The following CTNND2 variants were observed in gnomAD, a reference collection of about 807,000 sequenced individuals.
CTNND2 encodes the protein catenin delta-2.
A neutral mutation model predicts 144.4 loss-of-function variants in CTNND2; 22 were observed. The observed-to-expected ratio is 0.15, with a 90% CI of 0.11 to 0.22. The LOEUF (loss-of-function observed/expected upper bound fraction) is 0.22, where lower values mean the gene tolerates loss of function less well. Among genes scored for constraint, CTNND2 ranks in the 10% least tolerant of loss-of-function variants. The probability of loss-of-function intolerance (pLI) is 1.00; values close to 1 mark genes in which losing one functional copy is unlikely to be tolerated. For synonymous variants in CTNND2, 751 were observed against 695.6 expected (o/e 1.08, Z -1.25); for missense variants, 1,353 against 1,618.8 (o/e 0.84, Z 2.82).
chr5:11,149,334 C>T (rs998409023), intron 12 of CTNND2, among the ~76,000 whole-genome samples: 17 of 152,058 alleles, frequency 1.1e-4, no homozygotes, highest in African/African-American at 4.1e-4. Context: ...ATTGTTGTTC[C>T]AAAATAAGGG....
chr5:11,368,166 T>G (rs1363521442), intron 7 of CTNND2, among the ~76,000 whole-genome samples: 1 of 152,194 alleles, frequency 6.6e-6, no homozygotes, highest in Non-Finnish European at 1.5e-5. Context: ...GGAATTTCCC[T>G]AGATATGTTC....
intron 12 of CTNND2, among the ~76,000 whole-genome samples, chr5:11,120,788 GT>G (rs1210926555): frequency 6.6e-6 from 1 of 152,146 alleles, no homozygotes; most frequent in African/African-American, 2.4e-5. Flanking sequence ...TTATCATACT[GT>G]CCGCAGGCAT....
chr5:11,224,250 T>C (rs2149872327), intron 10 of CTNND2, among the ~76,000 whole-genome samples: 1 of 152,350 alleles, frequency 6.6e-6, no homozygotes, highest in Middle Eastern at 3.4e-3. Context: ...CAATAATTCC[T>C]GAGTGTGCCT....
chr5:11,423,684 A>G (rs1044295050), intron 3 of CTNND2, among the ~76,000 whole-genome samples: 3 of 152,138 alleles, frequency 2.0e-5, no homozygotes, highest in Non-Finnish European at 4.4e-5. Flanking sequence ...CTGTTCCTCT[A>G]AAATACACTG....
chr5:11,613,652 T>C (rs1581608568), intron 2 of CTNND2, among the ~76,000 whole-genome samples: 1 of 152,334 alleles, frequency 6.6e-6, no homozygotes, highest in East Asian at 1.9e-4. Flanking sequence ...TTCCTGGAGA[T>C]AACCAATGTA....
chr5:11,240,961 T>C (rs28472546), intron 9 of CTNND2, among the ~76,000 whole-genome samples: 4 of 118,978 alleles, frequency 3.4e-5, no homozygotes, highest in African/African-American at 1.3e-4. Context: ...ACACACCCAA[T>C]ACATATACAC....
intron 2 of CTNND2, among the ~76,000 whole-genome samples, chr5:11,636,247 C>T (rs1781697829): frequency 6.6e-6 from 1 of 152,140 alleles, no homozygotes; most frequent in African/African-American, 2.4e-5. Flanking sequence ...ATAGCTATAA[C>T]TATTGCCAAT....
At chr5:10,996,192 TG>T (rs1739327050) in intron 18 of CTNND2, among the ~76,000 whole-genome samples, 1 of 152,042 alleles carries the variant, frequency 6.6e-6, no homozygotes, top group African/African-American at 2.4e-5. Context: ...GTAGAGTTGA[TG>T]GGTCATCAGG....
At chr5:11,631,924 A>C (rs1781436583) in intron 2 of CTNND2, among the ~76,000 whole-genome samples, 1 of 152,158 alleles carries the variant, frequency 6.6e-6, no homozygotes, top group Non-Finnish European at 1.5e-5. Flanking sequence ...GAAGTGGTAT[A>C]AATGTGTTGC....
intron 2 of CTNND2, among the ~76,000 whole-genome samples, chr5:11,726,196 T>C (rs1297641844): frequency 2.0e-5 from 3 of 152,030 alleles, no homozygotes; most frequent in African/African-American, 7.2e-5. Flanking sequence ...ACTGTGAAAA[T>C]GGAATCAATC....
intron 9 of CTNND2, among the ~76,000 whole-genome samples, chr5:11,261,403 A>G (rs1409673370): frequency 1.3e-5 from 2 of 152,236 alleles, no homozygotes; most frequent in Non-Finnish European, 2.9e-5. Context: ...CACTGTGCTT[A>G]GGATCTGGCA....
chr5:11,654,725 T>G (rs566866971), intron 2 of CTNND2, among the ~76,000 whole-genome samples: 1 of 151,990 alleles, frequency 6.6e-6, no homozygotes, highest in Non-Finnish European at 1.5e-5. Context: ...AATATGGATG[T>G]CTTTTGTTTC....
chr5:11,809,297 A>G (rs964492307), intron 1 of CTNND2, among the ~76,000 whole-genome samples: 2 of 152,224 alleles, frequency 1.3e-5, no homozygotes, highest in Non-Finnish European at 1.5e-5. Context: ...AACAGGATAT[A>G]AAAGATGAAT....
At chr5:11,763,213 T>G (rs375107292) in intron 1 of CTNND2, among the ~76,000 whole-genome samples, 6 of 152,338 alleles carry the variant, frequency 3.9e-5, no homozygotes, top group Admixed American at 6.5e-5. Context: ...CTGTATACTT[T>G]GCAGAACCAT....
In CTNND2 at chr5:11,508,629, G is replaced by A. The variant is rs1771312878; in HGVS notation, c.287+56315C>T. Among the ~76,000 whole-genome samples the A allele has an allele frequency of 2.0e-5, 3 of 152,128 alleles. No individual in the cohort carries two copies. The South Asian group carries it at 6.2e-4, about 31-fold the overall frequency. On this transcript the variant is annotated intron_variant, in intron 3 of 21. Coordinates refer to ENST00000304623, the MANE Select transcript of CTNND2 (RefSeq NM_001332.4). ...AAATGTAACATAGAAAATATTCCCA[G>A]GGCCGGGTGCAGTGGTTCACACCTG... is the stretch of plus-strand genomic sequence containing the variant.
At chr5:11,213,634 C>CA (rs919344547) in intron 10 of CTNND2, among the ~76,000 whole-genome samples, 2 of 151,790 alleles carry the variant, frequency 1.3e-5, no homozygotes, top group African/African-American at 2.4e-5. Context: ...AATTATGTAC[C>CA]AAAAAATCCC....
At chr5:11,368,570 T>C (rs1284037869) in intron 7 of CTNND2, among the ~76,000 whole-genome samples, 1 of 152,210 alleles carries the variant, frequency 6.6e-6, no homozygotes, top group Non-Finnish European at 1.5e-5. Context: ...CTCATTTCCA[T>C]GTACAACTAC....
intron 3 of CTNND2, among the ~76,000 whole-genome samples, chr5:11,477,858 T>C (rs1767903662): frequency 3.9e-5 from 6 of 152,202 alleles, no homozygotes; most frequent in Admixed American, 3.9e-4. Flanking sequence ...GAGAATGTTG[T>C]TATGAATAGC....
At chr5:11,342,029 A>G (rs1754324001) in intron 9 of CTNND2, among the ~76,000 whole-genome samples, 1 of 152,188 alleles carries the variant, frequency 6.6e-6, no homozygotes, top group Admixed American at 6.5e-5. Flanking sequence ...AAGCATTTTT[A>G]TAGTATATTT....
Sources: gnomAD v4.1 joint callset for allele counts (sites outside exome capture counted in the v4.1 genomes callset) on GRCh38, gnomAD v4.1.1 for gene constraint, MANE v1.5 for transcripts, NCBI Gene and HGNC (gene_info 2026-07-23, HGNC 2026-07-21) for gene names.